CNTNAP2: variants seen among roughly 807,000 people sequenced by gnomAD.
CNTNAP2 encodes the protein contactin-associated protein-like 2.
A neutral mutation model predicts 155.2 loss-of-function variants in CNTNAP2; 98 were observed. The ratio of observed to expected loss-of-function variants is 0.63; its 90% confidence interval spans 0.54 to 0.75. CNTNAP2 has a LOEUF of 0.75. Ranked by LOEUF, CNTNAP2 falls within the 30% of genes least tolerant of loss-of-function variation. CNTNAP2 has a pLI of 0.00. For missense variants in CNTNAP2, 1,727 were observed against 1,688.1 expected (o/e 1.02, Z -0.40); for synonymous variants, 651 against 631.2 (o/e 1.03, Z -0.47).
chr7:146,180,278 C>CTTTCTTTTAATTTCATTTT (rs1292125810), intron 1 of CNTNAP2, among the ~76,000 whole-genome samples: 1 of 152,026 alleles, frequency 6.6e-6, no homozygotes, highest in African/African-American at 2.4e-5. Flanking sequence ...ATGTGCCCGC[C>CTTTCTTTTAATTTCATTTT]TTTCTTTTTA....
At chr7:146,616,901 A>G (rs529825535) in intron 1 of CNTNAP2, among the ~76,000 whole-genome samples, 14 of 152,170 alleles carry the variant, frequency 9.2e-5, no homozygotes, top group East Asian at 5.8e-4. Context: ...TATTCCATAG[A>G]AAAAAAACCT....
At position 147,531,641 on chromosome 7, in the gene CNTNAP2, C is replaced by G. The variant is rs1029288075; in HGVS notation, c.1778-30497C>G. 7.9e-5 allele frequency among the ~76,000 whole-genome samples: 12 copies of G among 152,140 alleles called. 1 individual carries two copies. Among genetic ancestry groups the G allele is most frequent in the African/African-American group, 2.2e-4 (9 of 41,434 alleles). ...GCCTGGCCCATGAAACCACTTTTTC[C>G]TCATGGGCCTCCAGGCCTGTGATGG... On this transcript the variant is annotated intron_variant, in intron 11 of 23. Coordinates refer to ENST00000361727, the MANE Select transcript of CNTNAP2 (RefSeq NM_014141.6).
intron 15 of CNTNAP2, among the ~76,000 whole-genome samples, chr7:148,093,308 T>C (rs1435353004): frequency 1.3e-5 from 2 of 152,210 alleles, no homozygotes; most frequent in Non-Finnish European, 2.9e-5. Flanking sequence ...AAAATCACAA[T>C]GTACGTGACT....
rs572517475 is a variant in CNTNAP2, at chr7:146,442,320, A to C, written c.97+325347A>C. 5.9e-5 allele frequency among the ~76,000 whole-genome samples: 9 copies of C among 151,648 alleles called. No individual in the cohort carries two copies. In the South Asian group the frequency reaches 1.9e-3, roughly 31 times the overall value. On this transcript the variant is annotated intron_variant, in intron 1 of 23. Transcript: ENST00000361727. ...GAATGTTTGCACTTTCTTTACTTAA[A>C]ATATACTATGATACATCTAAGTGTA...
chr7:146,629,332 A>G (rs1041264557), intron 1 of CNTNAP2, among the ~76,000 whole-genome samples: 7 of 152,278 alleles, frequency 4.6e-5, no homozygotes, highest in East Asian at 1.9e-4. Flanking sequence ...ATTTGTCACT[A>G]CTTTTAATAA....
At chr7:147,744,783 T>G (rs1797010761) in intron 13 of CNTNAP2, among the ~76,000 whole-genome samples, 1 of 152,090 alleles carries the variant, frequency 6.6e-6, no homozygotes, top group Admixed American at 6.6e-5. Context: ...TCTCTTTCTC[T>G]TCTAAGGACA....
intron 3 of CNTNAP2, among the ~76,000 whole-genome samples, chr7:146,958,123 A>G (rs541125074): frequency 1.1e-4 from 16 of 152,246 alleles, no homozygotes; most frequent in African/African-American, 3.6e-4. Context: ...AGAAACTAGC[A>G]TTTACTGGGT....
chr7:147,346,023 A>G (rs1795849799), intron 9 of CNTNAP2, among the ~76,000 whole-genome samples: 2 of 152,334 alleles, frequency 1.3e-5, no homozygotes, highest in African/African-American at 4.8e-5. Context: ...TGAAAGAAAT[A>G]TTTTTGATAG....
chr7:146,149,241 G>A (rs1207932802), intron 1 of CNTNAP2, among the ~76,000 whole-genome samples: 3 of 151,924 alleles, frequency 2.0e-5, no homozygotes, highest in African/African-American at 4.8e-5. Flanking sequence ...TCTCAAAACA[G>A]TTATAAGATT....
chr7:146,620,547 G>A (rs977161062), intron 1 of CNTNAP2, among the ~76,000 whole-genome samples: 2 of 152,140 alleles, frequency 1.3e-5, no homozygotes, highest in African/African-American at 4.8e-5. Context: ...TTTCTGCTAT[G>A]ACTCTTATCT....
intron 9 of CNTNAP2, among the ~76,000 whole-genome samples, chr7:147,319,052 C>T (rs185909713): frequency 8.3e-4 from 127 of 152,170 alleles, no homozygotes; most frequent in Middle Eastern, 3.4e-3. Flanking sequence ...TTTAAATGTA[C>T]ATTTGTTACT....
At chr7:147,472,613 C>T (rs1332235226) in intron 10 of CNTNAP2, among the ~76,000 whole-genome samples, 1 of 152,068 alleles carries the variant, frequency 6.6e-6, no homozygotes, top group Non-Finnish European at 1.5e-5. Flanking sequence ...GCAGTCTAGT[C>T]AAGAAGCTGC....
chr7:147,998,065 C>A (rs1301085937), intron 15 of CNTNAP2, among the ~76,000 whole-genome samples: 1 of 149,124 alleles, frequency 6.7e-6, no homozygotes, highest in Non-Finnish European at 1.5e-5. Context: ...GTGGTCACCA[C>A]GGTTGCTGCG....
chr7:147,405,824 C>T (rs1278359292), intron 10 of CNTNAP2, among the ~76,000 whole-genome samples: 14 of 152,182 alleles, frequency 9.2e-5, no homozygotes, highest in East Asian at 3.9e-4. Context: ...TTTTAGTTTT[C>T]GCTGCACTTG....
Position 146,233,347 on chromosome 7 carries a change from A to G in CNTNAP2, c.97+116374A>G, listed in dbSNP as rs534016513. Among the ~76,000 whole-genome samples, 18 of 152,298 alleles carry G rather than the reference A, an allele frequency of 1.2e-4. No individual in the cohort carries two copies. In the South Asian group the frequency reaches 3.5e-3, roughly 30 times the overall value. On this transcript the variant is annotated intron_variant, in intron 1 of 23. Transcript: ENST00000361727. ...TACCTCATAAGCAACTTGAATTTTC[A>G]TAGTATAATTAGCCAGTGGTTTTTC...
At chr7:148,202,910 T>C (rs987883704) in intron 18 of CNTNAP2, among the ~76,000 whole-genome samples, 1 of 152,196 alleles carries the variant, frequency 6.6e-6, no homozygotes, top group African/African-American at 2.4e-5. Flanking sequence ...TTCCTTTCTC[T>C]TCTCATTTTT....
chr7:148,075,534 C>G (rs1056981507), intron 15 of CNTNAP2, among the ~76,000 whole-genome samples: 261 of 152,240 alleles, frequency 1.7e-3, no homozygotes, highest in African/African-American at 6.0e-3. Context: ...CTACTTTACT[C>G]AAGTCTCTGA....
At chr7:147,470,452 T>C (rs1306235383) in intron 10 of CNTNAP2, among the ~76,000 whole-genome samples, 4 of 142,020 alleles carry the variant, frequency 2.8e-5, no homozygotes, top group Non-Finnish European at 6.1e-5. Context: ...TCTTGGATTA[T>C]GGTAATAGCA....
At chr7:147,509,036 T>C (rs182807070) in intron 11 of CNTNAP2, among the ~76,000 whole-genome samples, 1 of 152,366 alleles carries the variant, frequency 6.6e-6, no homozygotes, top group East Asian at 1.9e-4. Context: ...TGTCTTTGTA[T>C]AGTTTAACCT....
Sources: gnomAD v4.1 joint callset for allele counts (sites outside exome capture counted in the v4.1 genomes callset) on GRCh38, gnomAD v4.1.1 for gene constraint, MANE v1.5 for transcripts, NCBI Gene and HGNC (gene_info 2026-07-23, HGNC 2026-07-21) for gene names.